Variants in OMA1 observed in about 807,000 individuals in gnomAD.
The protein encoded by OMA1 is metalloendopeptidase OMA1, mitochondrial.
A neutral mutation model predicts 30.9 loss-of-function variants in OMA1; 38 were observed. The observed-to-expected ratio is 1.23, with a 90% confidence interval of 0.95 to 1.61. The LOEUF (loss-of-function observed/expected upper bound fraction) is 1.61. Ranked by LOEUF, OMA1 falls within the 40% of genes most tolerant of loss-of-function variation. OMA1 has a pLI of 0.00. For missense variants in OMA1, 461 were observed against 349.2 expected (o/e 1.32, Z -2.55); for synonymous variants, 173 against 121.9 (o/e 1.42, Z -2.76).
intron 7 of OMA1, among the ~76,000 whole-genome samples, chr1:58,510,520 C>T (rs1164247747): frequency 1.3e-5 from 2 of 152,074 alleles, no homozygotes; most frequent in Non-Finnish European, 2.9e-5. Context: ...TAGCATCACA[C>T]TTCATGGTGA....
rs80324984 is a variant in OMA1 at position 58,503,186 on chromosome 1, A to G, written c.1365+2874T>C. Among the ~76,000 whole-genome samples, 205 of 152,318 alleles carry G rather than the reference A, an allele frequency of 1.3e-3. 1 individual carries two copies. The highest frequency in any genetic ancestry group is 4.8e-3 in the African/African-American group (198 of 41,576). ...CATATTTTTAGAATTTCATTGAGCG[A>G]AAATAAAAAGAAAAAAAATTCAAGA... is the stretch of plus-strand genomic sequence containing the variant. On this transcript the variant is annotated intron_variant, in intron 8 of 8. Transcript: ENST00000371226.
rs746882508 is a variant in OMA1 at position 58,506,036 on chromosome 1, C to T, written c.1365+24G>A. 7 of 828,424 alleles carry T rather than the reference C, an allele frequency of 8.4e-6. No homozygotes were observed. In the African/African-American group the frequency reaches 1.2e-4, roughly 14 times the overall value. The allele number at this position is 828,424 out of a possible 1,614,324, so 51.3% of individuals were successfully genotyped here. A position where few individuals can be genotyped will look rare whatever the true frequency, so the allele number is the denominator to read the frequency against. ...TAAATGATACAGTAAAAATAATGTC[C>T]CGCCTTCTACGGTGTCAGCTCACCT... On this transcript the variant is annotated intron_variant, in intron 8 of 8. Transcript: ENST00000371226.
At chr1:58,499,477 T>TATAGACAGATAGATAGATAGATAGATAG (rs1645863562) in intron 8 of OMA1, among the ~76,000 whole-genome samples, 3 of 143,768 alleles carry the variant, frequency 2.1e-5, no homozygotes, top group African/African-American at 7.9e-5. Flanking sequence ...AAAGCCAGAC[T>TATAGACAGATAGATAGATAGATAGATAG]ATAGATAGAT....
chr1:58,545,299 A>G (rs542719042), intron 1 of OMA1, among the ~76,000 whole-genome samples: 1 of 152,332 alleles, frequency 6.6e-6, no homozygotes, highest in South Asian at 2.1e-4. Flanking sequence ...TCCTATTGAC[A>G]CAGAAGGTAT....
intron 8 of OMA1, among the ~76,000 whole-genome samples, chr1:58,485,029 A>G (rs338227): frequency 0.87 from 132,516 of 151,826 alleles, 58,452 homozygotes; most frequent in African/African-American, 0.97. Flanking sequence ...CACCAAGAGT[A>G]AACCCTAATG....
At chr1:58,514,351 C>T (rs1246559891) in intron 7 of OMA1, among the ~76,000 whole-genome samples, 2 of 152,096 alleles carry the variant, frequency 1.3e-5, no homozygotes, top group East Asian at 1.9e-4. Context: ...CAAAACAATA[C>T]TAGAGAAATA....
At chr1:58,517,874 T>C (rs1489772402) in intron 7 of OMA1, among the ~76,000 whole-genome samples, 1 of 151,824 alleles carries the variant, frequency 6.6e-6, no homozygotes, top group African/African-American at 2.4e-5. Flanking sequence ...CAATGTCTTC[T>C]TAAAGCCTTA....
At position 58,491,674 on chromosome 1, in the gene OMA1, C is replaced by T. The variant is rs535556821; in HGVS notation, c.1366-10500G>A. 1.7e-3 allele frequency among the ~76,000 whole-genome samples: 254 copies of T among 152,130 alleles called. 2 individuals are homozygous for T. Among genetic ancestry groups the T allele is most frequent in the Non-Finnish European group, 2.1e-3 (146 of 67,960 alleles). ...AGATCAAAAGAGACAAAGAAGGCCA[C>T]TACATAATGGTAAAGGGATCCATTC... On this transcript the variant is annotated intron_variant, in intron 8 of 8. Transcript: ENST00000371226.
Position 58,501,939 on chromosome 1 carries a change from C to T in OMA1, c.1365+4121G>A, listed in dbSNP as rs183091433. Among the ~76,000 whole-genome samples, 15 of 152,150 alleles carry T rather than the reference C, an allele frequency of 9.9e-5. No individual in the cohort carries two copies. In the East Asian group the frequency reaches 2.7e-3, roughly 27 times the overall value. Reference sequence around the variant, plus strand: ...CTCCCTCCTCACTGCCCCCCACTCCCGCCCCCAGCACCAAATTTATTATCT... The same window carrying T: ...CTCCCTCCTCACTGCCCCCCACTCCTGCCCCCAGCACCAAATTTATTATCT... On this transcript the variant is annotated intron_variant, in intron 8 of 8. Coordinates refer to ENST00000371226, the MANE Select transcript of OMA1 (RefSeq NM_145243.5).
intron 5 of OMA1, among the ~76,000 whole-genome samples, chr1:58,531,734 G>C (rs1355879118): frequency 6.6e-6 from 1 of 151,078 alleles, no homozygotes; most frequent in Non-Finnish European, 1.5e-5. Context: ...TTTTGAGACA[G>C]AGTCTTGCCC....
At chr1:58,509,658 G>C (rs1368028945) in intron 7 of OMA1, among the ~76,000 whole-genome samples, 1 of 144,336 alleles carries the variant, frequency 6.9e-6, no homozygotes, top group Non-Finnish European at 1.5e-5. Context: ...ATAAAGATTA[G>C]AGCATAAATA....
intron 1 of OMA1, among the ~76,000 whole-genome samples, chr1:58,544,518 C>T (rs1334389773): frequency 1.3e-5 from 2 of 152,178 alleles, no homozygotes; most frequent in Non-Finnish European, 2.9e-5. Flanking sequence ...TATTTCTGTG[C>T]AGTTCAAATT....
At chr1:58,496,010 T>A (rs932637393) in intron 8 of OMA1, among the ~76,000 whole-genome samples, 3 of 152,116 alleles carry the variant, frequency 2.0e-5, no homozygotes, top group Non-Finnish European at 4.4e-5. Context: ...ACTCTGGGAA[T>A]CTCCTAAAAA....
At chr1:58,543,175 G>A (rs1162085784) in intron 1 of OMA1, among the ~76,000 whole-genome samples, 4 of 152,020 alleles carry the variant, frequency 2.6e-5, no homozygotes, top group African/African-American at 4.8e-5. Flanking sequence ...AAAATAATGC[G>A]CTTTCTTCAA....
intron 7 of OMA1, among the ~76,000 whole-genome samples, chr1:58,521,401 C>A (rs2100452921): frequency 6.7e-6 from 1 of 149,494 alleles, no homozygotes; most frequent in African/African-American, 2.5e-5. Context: ...ATATGAAACC[C>A]AAAAAATGAA....
chr1:58,505,500 C>T (rs1462155815), intron 8 of OMA1, among the ~76,000 whole-genome samples: 1 of 152,100 alleles, frequency 6.6e-6, no homozygotes, highest in Admixed American at 6.6e-5. Flanking sequence ...TGGCAGAAAG[C>T]CGCCTCAGCT....
intron 7 of OMA1, among the ~76,000 whole-genome samples, chr1:58,523,033 T>A (rs1355636181): frequency 1.3e-5 from 2 of 152,226 alleles, no homozygotes; most frequent in East Asian, 1.9e-4. Flanking sequence ...TAGTCTTGAA[T>A]AATCAGAATC....
At chr1:58,482,370 T>C (rs1645502424) in intron 8 of OMA1, among the ~76,000 whole-genome samples, 1 of 152,172 alleles carries the variant, frequency 6.6e-6, no homozygotes, top group Admixed American at 6.5e-5. Context: ...GATGGCAGGG[T>C]TGAGGGACTG....
chr1:58,546,064 A>G (rs888930655), intron 1 of OMA1, among the ~76,000 whole-genome samples: 1 of 152,236 alleles, frequency 6.6e-6, no homozygotes, highest in African/African-American at 2.4e-5. Flanking sequence ...GCACGGCACA[A>G]TAAAACTGTT....
Sources: gnomAD v4.1 joint callset for allele counts (sites outside exome capture counted in the v4.1 genomes callset) on GRCh38, gnomAD v4.1.1 for gene constraint, MANE v1.5 for transcripts, NCBI Gene and HGNC (gene_info 2026-07-23, HGNC 2026-07-21) for gene names.